Variants in DAAM2 observed in about 807,000 individuals in gnomAD.
DAAM2 encodes the protein dishevelled associated activator of morphogenesis 2.
Under a neutral mutation model 120.7 loss-of-function variants are expected in DAAM2, and 39 were observed. The observed-to-expected ratio is 0.32, with a 90% CI of 0.25 to 0.42. The LOEUF (loss-of-function observed/expected upper bound fraction) is 0.42, where lower values mean the gene tolerates loss of function less well. Ranked by LOEUF, DAAM2 falls within the 10% of genes least tolerant of loss-of-function variation. DAAM2 has a pLI of 1.00. For synonymous variants in DAAM2, 488 were observed against 524.9 expected, an observed-to-expected ratio of 0.93 and a Z score of 0.96; for missense variants, 1,283 against 1,401.7, an observed-to-expected ratio of 0.92 and a Z score of 1.35.
At chr6:39,801,702 A>G (rs1761868921) in intron 1 of DAAM2, among the ~76,000 whole-genome samples, 1 of 152,192 alleles carries the variant, frequency 6.6e-6, no homozygotes, top group Admixed American at 6.5e-5. Context: ...ATGTACACCC[A>G]TTGTCCATCC....
Position 39,901,603 on chromosome 6 carries a change from GC to G in DAAM2, c.2982+135del. 9.0e-7 allele frequency: 1 copy of G among 1,117,034 alleles called. No homozygotes were observed. The highest frequency in any genetic ancestry group is 1.2e-6 in the Non-Finnish European group (1 of 804,974). 69.2% of individuals were successfully genotyped at this position (1,117,034 alleles called of 1,614,324 possible). A position where few individuals can be genotyped will look rare whatever the true frequency, so the allele number is the denominator to read the frequency against. ...GGAACACCATAGGGGTTGGATGTCA[GC>G]CCCAGGAGAGAGAAACTTCTTCCCA... On this transcript the variant is annotated intron_variant, in intron 24 of 24. Coordinates refer to ENST00000274867, the MANE Select transcript of DAAM2 (RefSeq NM_001201427.2). This position sits in a 1 kb window ranked among gnomAD's most constrained non-coding sequence, Gnocchi z 4.5.
At chr6:39,886,489 G>T in intron 15 of DAAM2, 1 of 399,348 alleles carries the variant, frequency 2.5e-6, no homozygotes, top group Middle Eastern at 6.3e-4. Flanking sequence ...ACTTTTAACT[G>T]CTGTCCCGGG....
At chr6:39,795,664 C>T (rs558994933) in intron 1 of DAAM2, among the ~76,000 whole-genome samples, 1 of 152,262 alleles carries the variant, frequency 6.6e-6, no homozygotes, top group Non-Finnish European at 1.5e-5. Context: ...AGAACCTCTC[C>T]CCAAATCTAG....
intron 1 of DAAM2, among the ~76,000 whole-genome samples, chr6:39,831,590 G>C (rs1437798326): frequency 6.6e-6 from 1 of 151,300 alleles, no homozygotes; most frequent in East Asian, 2.0e-4. Flanking sequence ...CCTGAGTTCT[G>C]GCTCTTAACC....
chr6:39,830,340 G>A (rs1365683499), intron 1 of DAAM2, among the ~76,000 whole-genome samples: 1 of 152,156 alleles, frequency 6.6e-6, no homozygotes, highest in Non-Finnish European at 1.5e-5. Flanking sequence ...AGAAATCTGG[G>A]AAGCCACAGG....
chr6:39,878,222 G>A lies in DAAM2; in HGVS notation c.1321G>A (p.Val441Met). 3 of 1,614,040 alleles carry A rather than the reference G, an allele frequency of 1.9e-6. No homozygotes were observed. The South Asian group carries it at 3.3e-5, about 18-fold the overall frequency. The change falls in exon 12 of 25, where the codon GTG (valine) becomes ATG (methionine). Residue 441 changes from valine to methionine, a missense_variant. This residue lies in a region of DAAM2 where 338 missense variants were observed against 443.9 expected (regional missense o/e 0.76). Transcript: ENST00000274867. The surrounding 1 kb of genome is among the most constrained non-coding windows in gnomAD (Gnocchi z 5.0). ...TGCCAGGCTCATCAACGAGAATGAA[G>A]TGAAACAGTGGCGAGACCAGGCAGA... The part of the protein sequence containing the change: ...IVNMLINENE[V>M]KQWRDQAEKF...
Position 39,901,877 on chromosome 6 carries a change from C to T in DAAM2, c.3047C>T (p.Ser1016Leu), listed in dbSNP as rs201932748. The change falls in exon 25 of 25, where the codon TCG (serine) becomes TTG (leucine). Residue 1016 changes from serine to leucine, a missense_variant. Physicochemically the swap from Ser to Leu is moderately radical, Grantham distance 145. Transcript: ENST00000274867. The surrounding 1 kb of genome is among the most constrained non-coding windows in gnomAD (Gnocchi z 4.5). ...CGGAAGGTCCTGGCTGCAGGCAGCT[C>T]GCTGGAGGAGGGAGGAGAGTTCGAT... is the stretch of plus-strand genomic sequence containing the variant. ...RQRKVLAAGS[S>L]LEEGGEFDDL... 217 of 1,594,078 alleles carry T rather than the reference C, an allele frequency of 1.4e-4. No individual in the cohort carries two copies. Among genetic ancestry groups the T allele is most frequent in the Non-Finnish European group, 1.7e-4 (193 of 1,166,944 alleles).
chr6:39,843,286 G>A (rs547594379), intron 1 of DAAM2, among the ~76,000 whole-genome samples: 67 of 152,232 alleles, frequency 4.4e-4, no homozygotes, highest in Non-Finnish European at 8.2e-4. Flanking sequence ...CAACATGGTC[G>A]GAAAGCAGGG....
At chr6:39,871,827 G>A (rs545905266) in intron 9 of DAAM2, among the ~76,000 whole-genome samples, 21 of 152,332 alleles carry the variant, frequency 1.4e-4, no homozygotes, top group Non-Finnish European at 2.6e-4. Context: ...AGACTGAGAA[G>A]TCCCATGACA....
chr6:39,895,007 C>T (rs1381719402), intron 19 of DAAM2, among the ~76,000 whole-genome samples: 1 of 152,064 alleles, frequency 6.6e-6, no homozygotes, highest in Non-Finnish European at 1.5e-5. Context: ...TGGGTTGTCC[C>T]TGCTGTTACA....
In DAAM2 at chr6:39,904,158, C is replaced by CT. The variant is rs1766647658; in HGVS notation, c.*2122dup. ...GGATACGCACCTGGAAACAAAAGGACTATGGAAGCTGTTCAAGATACATTT... is the reference window on the plus strand; with the variant it reads ...GGATACGCACCTGGAAACAAAAGGACTTATGGAAGCTGTTCAAGATACATTT... On this transcript the variant is annotated 3_prime_UTR_variant, in exon 25 of 25. Coordinates refer to ENST00000274867, the MANE Select transcript of DAAM2 (RefSeq NM_001201427.2). The CT allele has an allele frequency of 4.4e-6, 2 of 456,256 alleles. No homozygotes were observed. Among genetic ancestry groups the CT allele is most frequent in the Non-Finnish European group, 8.8e-6 (2 of 226,822 alleles). 28.3% of individuals were successfully genotyped at this position (456,256 alleles called of 1,614,324 possible). A position where few individuals can be genotyped will look rare whatever the true frequency, so the allele number is the denominator to read the frequency against.
chr6:39,848,324 G>A (rs1185285390), intron 1 of DAAM2, among the ~76,000 whole-genome samples: 1 of 152,138 alleles, frequency 6.6e-6, no homozygotes, highest in Non-Finnish European at 1.5e-5. Flanking sequence ...CTCGGTGGGT[G>A]GGTGGATGAA....
In DAAM2 at chr6:39,901,596, G is replaced by T; in HGVS notation, c.2982+124G>T. On this transcript the variant is annotated intron_variant, in intron 24 of 24. Transcript: ENST00000274867. This position sits in a 1 kb window ranked among gnomAD's most constrained non-coding sequence, Gnocchi z 4.5. ...GAACTGAGGAACACCATAGGGGTTG[G>T]ATGTCAGCCCCAGGAGAGAGAAACT... 8.7e-7 allele frequency: 1 copy of T among 1,154,364 alleles called. No individual in the cohort carries two copies. The highest frequency in any genetic ancestry group is 1.2e-6 in the Non-Finnish European group (1 of 835,794). The allele number at this position is 1,154,364 out of a possible 1,614,324, so 71.5% of individuals were successfully genotyped here. A position where few individuals can be genotyped will look rare whatever the true frequency, so the allele number is the denominator to read the frequency against.
intron 8 of DAAM2, among the ~76,000 whole-genome samples, chr6:39,871,004 G>T (rs2149314706): frequency 6.6e-6 from 1 of 152,308 alleles, no homozygotes; most frequent in South Asian, 2.1e-4. Context: ...GTGTGCATGA[G>T]GATAGAAAAT....
At chr6:39,900,805 C>T (rs966594164) in intron 23 of DAAM2, among the ~76,000 whole-genome samples, 1 of 152,150 alleles carries the variant, frequency 6.6e-6, no homozygotes. Context: ...ACAATGGTAG[C>T]TCTCAGTAAC....
chr6:39,810,005 A>G (rs1472903648), intron 1 of DAAM2, among the ~76,000 whole-genome samples: 1 of 152,216 alleles, frequency 6.6e-6, no homozygotes, highest in African/African-American at 2.4e-5. Context: ...CATGGTTACA[A>G]TGTGGCTGCA....
chr6:39,813,950 T>C (rs1472158861), intron 1 of DAAM2, among the ~76,000 whole-genome samples: 1 of 152,150 alleles, frequency 6.6e-6, no homozygotes, highest in African/African-American at 2.4e-5. Flanking sequence ...AAAAGGGTCA[T>C]GGCCACTGTT....
intron 19 of DAAM2, 90 bp downstream of exon 19, chr6:39,891,812 A>T: frequency 1.0e-6 from 1 of 955,178 alleles, no homozygotes; most frequent in Non-Finnish European, 1.6e-6. Context: ...GCAGAGGGAA[A>T]CCCCTTTCTT....
intron 5 of DAAM2, 25 bp downstream of exon 5, chr6:39,865,099 T>G: frequency 7.6e-7 from 1 of 1,323,538 alleles, no homozygotes; most frequent in East Asian, 2.5e-5. Context: ...CCCTCTTGCT[T>G]CCTGCTGAGT....
Sources: allele counts gnomAD v4.1 joint callset (sites outside exome capture counted in the v4.1 genomes callset), GRCh38; gene constraint gnomAD v4.1.1; regional missense constraint gnomAD v4.1.1; non-coding constraint Gnocchi (gnomAD v3.1); transcripts MANE v1.5; gene names NCBI Gene and HGNC (gene_info 2026-07-23, HGNC 2026-07-21).